The following NEK7 variants were observed in gnomAD, a reference collection of about 807,000 sequenced individuals.
NEK7 encodes the protein serine/threonine-protein kinase Nek7.
In NEK7, 18 loss-of-function variants were observed where a neutral mutation model predicts 44.6. The observed-to-expected ratio is 0.40, with a 90% CI of 0.28 to 0.60. The LOEUF is 0.60. Among genes scored for constraint, NEK7 ranks in the 20% least tolerant of loss-of-function variants. The pLI is 0.38. For missense variants in NEK7, 256 were observed against 366.5 expected, an observed-to-expected ratio of 0.70 and a Z score of 2.46; for synonymous variants, 130 against 121.1, an observed-to-expected ratio of 1.07 and a Z score of -0.48.
At chr1:198,210,778 AGTCTCGCTCTGT>A (rs1203202885) in intron 1 of NEK7, among the ~76,000 whole-genome samples, 2 of 93,680 alleles carry the variant, frequency 2.1e-5, no homozygotes, top group African/African-American at 8.4e-5. Context: ...TTTGAGACGG[AGTCTCGCTCTGT>A]CGCCCAGGCT....
At chr1:198,232,011 A>T (rs1204782153) in intron 1 of NEK7, among the ~76,000 whole-genome samples, 2 of 152,134 alleles carry the variant, frequency 1.3e-5, no homozygotes, top group Admixed American at 6.6e-5. Flanking sequence ...AATTACCTTC[A>T]GCCTATGTAT....
intron 1 of NEK7, among the ~76,000 whole-genome samples, chr1:198,228,480 T>C (rs1291390428): frequency 4.6e-5 from 7 of 152,166 alleles, no homozygotes; most frequent in East Asian, 1.9e-4. Context: ...TTTCACGATA[T>C]TGATTCTTCC....
chr1:198,169,130 TC>T (rs1266350138), intron 1 of NEK7, among the ~76,000 whole-genome samples: 1 of 152,234 alleles, frequency 6.6e-6, no homozygotes, highest in Non-Finnish European at 1.5e-5. Flanking sequence ...TTTAAAAAAA[TC>T]TACATTGTTT....
At chr1:198,183,294 G>T (rs150694331) in intron 1 of NEK7, among the ~76,000 whole-genome samples, 1 of 152,114 alleles carries the variant, frequency 6.6e-6, no homozygotes, top group East Asian at 1.9e-4. Context: ...TAGGCCATGA[G>T]CTCTTTAATG....
At chr1:198,235,479 C>T (rs1666522660) in intron 2 of NEK7, among the ~76,000 whole-genome samples, 1 of 151,790 alleles carries the variant, frequency 6.6e-6, no homozygotes, top group Non-Finnish European at 1.5e-5. Context: ...ATTTTCATTG[C>T]CTTTGGACTC....
chr1:198,310,116 A>G (rs1356928843), intron 9 of NEK7, among the ~76,000 whole-genome samples: 5 of 152,014 alleles, frequency 3.3e-5, no homozygotes, highest in Admixed American at 6.5e-5. Context: ...TTGTTTCCTG[A>G]CTTTTTAATG....
chr1:198,193,296 G>A (rs1290854986), intron 1 of NEK7, among the ~76,000 whole-genome samples: 1 of 152,018 alleles, frequency 6.6e-6, no homozygotes, highest in South Asian at 2.1e-4. Flanking sequence ...AACGAGTTCT[G>A]AAATTGAGGC....
intron 1 of NEK7, among the ~76,000 whole-genome samples, chr1:198,162,016 G>A (rs112877604): frequency 6.6e-6 from 1 of 151,910 alleles, no homozygotes; most frequent in Non-Finnish European, 1.5e-5. Flanking sequence ...ACTCTCCCCC[G>A]CCCCAGTAAA....
At chr1:198,314,034 A>G (rs1191492130) in intron 9 of NEK7, among the ~76,000 whole-genome samples, 2 of 151,852 alleles carry the variant, frequency 1.3e-5, no homozygotes, top group Non-Finnish European at 2.9e-5. Flanking sequence ...GTGTTTTCCA[A>G]CTTGGTTCCA....
chr1:198,211,134 A>C (rs2102818357), intron 1 of NEK7, among the ~76,000 whole-genome samples: 1 of 152,284 alleles, frequency 6.6e-6, no homozygotes, highest in South Asian at 2.1e-4. Context: ...CTGCTTTATG[A>C]AGAGAACTAT....
At position 198,262,224 on chromosome 1, in the gene NEK7, C is replaced by T. The variant is rs117904966; in HGVS notation, c.199-351C>T. Among the ~76,000 whole-genome samples the T allele has an allele frequency of 3.4e-4, 51 of 152,010 alleles. No homozygotes were observed. The East Asian group carries it at 8.1e-3, about 24-fold the overall frequency. ...AAATGGGAATACTACTATTATCATCCTCATAAGGTTGTGCAGTACATTTAG... is the reference window on the plus strand; with the variant it reads ...AAATGGGAATACTACTATTATCATCTTCATAAGGTTGTGCAGTACATTTAG... On this transcript the variant is annotated intron_variant, in intron 3 of 9. Transcript: ENST00000367385.
Position 198,319,526 on chromosome 1 carries a change from T to C in NEK7, c.*4T>C, listed in dbSNP as rs746497685. ...TGCATGCACTGCAAGCAGCTAAACA[T>C]GCAAGATCATGAAGAGTGTAACCAA... On this transcript the variant is annotated 3_prime_UTR_variant, in exon 10 of 10. Coordinates refer to ENST00000367385, the MANE Select transcript of NEK7 (RefSeq NM_133494.3). The C allele has an allele frequency of 1.9e-6, 3 of 1,606,688 alleles. No homozygotes were observed. The highest frequency in any genetic ancestry group is 2.5e-6 in the Non-Finnish European group (3 of 1,176,860).
At chr1:198,166,386 A>G (rs1054796025) in intron 1 of NEK7, among the ~76,000 whole-genome samples, 7 of 152,150 alleles carry the variant, frequency 4.6e-5, no homozygotes, top group African/African-American at 7.2e-5. Context: ...TGCATTCACA[A>G]CTTGGCTGTT....
At position 198,253,003 on chromosome 1, in the gene NEK7, G is replaced by C. The variant is rs1170072295; in HGVS notation, c.58-37G>C. On this transcript the variant is annotated intron_variant, in intron 2 of 9. Coordinates refer to ENST00000367385, the MANE Select transcript of NEK7 (RefSeq NM_133494.3). Reference sequence around the variant, plus strand: ...TGATTGTGTGTATTGCGTGTATATTGTGTGATTGAAAATTTTTCTGACATT... The same window carrying C: ...TGATTGTGTGTATTGCGTGTATATTCTGTGATTGAAAATTTTTCTGACATT... 1.9e-6 allele frequency: 3 copies of C among 1,576,972 alleles called. No individual in the cohort carries two copies. In the East Asian group the frequency reaches 6.7e-5, roughly 35 times the overall value.
rs187978667 is a variant in NEK7 at position 198,316,664 on chromosome 1, G to A, written c.799-2748G>A. On this transcript the variant is annotated intron_variant, in intron 9 of 9. Coordinates refer to ENST00000367385, the MANE Select transcript of NEK7 (RefSeq NM_133494.3). The stretch of plus-strand genomic sequence containing the variant: ...TGTTTCTTTGTTCTGTCTATCTTCC[G>A]CTAGATTGTAGGCTGTTTAAGGGCC... Among the ~76,000 whole-genome samples the A allele has an allele frequency of 7.2e-5, 11 of 152,038 alleles. No homozygotes were observed. In the East Asian group the frequency reaches 1.2e-3, roughly 16 times the overall value.
At chr1:198,210,800 T>A (rs1665744901) in intron 1 of NEK7, among the ~76,000 whole-genome samples, 2 of 133,096 alleles carry the variant, frequency 1.5e-5, no homozygotes, top group South Asian at 5.1e-4. Flanking sequence ...TCGCCCAGGC[T>A]GGAGTGCAGT....
chr1:198,184,240 TATAA>T (rs146765679), intron 1 of NEK7, among the ~76,000 whole-genome samples: 2,338 of 152,280 alleles, frequency 0.015, 55 homozygotes, highest in African/African-American at 0.054. Context: ...ACAAACACAT[TATAA>T]ATAAATGTAT....
chr1:198,255,483 CAG>C (rs916200831), intron 3 of NEK7, among the ~76,000 whole-genome samples: 13 of 151,448 alleles, frequency 8.6e-5, no homozygotes, highest in Admixed American at 7.9e-4. Context: ...TCATTAGAAA[CAG>C]AAAGAAAGAA....
intron 9 of NEK7, among the ~76,000 whole-genome samples, chr1:198,317,881 T>TTTA (rs1553258414): frequency 1.5e-4 from 15 of 101,566 alleles, no homozygotes; most frequent in Non-Finnish European, 9.4e-5. Context: ...ATATTTATTT[T>TTTA]TTTTTTTTTT....
Sources: gnomAD v4.1 joint callset for allele counts (sites outside exome capture counted in the v4.1 genomes callset) on GRCh38, gnomAD v4.1.1 for gene constraint, MANE v1.5 for transcripts, NCBI Gene and HGNC (gene_info 2026-07-23, HGNC 2026-07-21) for gene names.